The following RBPJ variants were observed in gnomAD, a reference collection of about 807,000 sequenced individuals.
The protein encoded by RBPJ is recombining binding protein suppressor of hairless.
In RBPJ, 9 loss-of-function variants were observed where a neutral mutation model predicts 67.8. The observed-to-expected ratio is 0.13, with a 90% confidence interval of 0.08 to 0.23. The LOEUF is 0.23. Ranked by LOEUF, RBPJ falls within the 10% of genes least tolerant of loss-of-function variation. The pLI, the probability that RBPJ is intolerant of heterozygous loss-of-function variation, is 1.00. For missense variants in RBPJ, 305 were observed against 595.6 expected (o/e 0.51, Z 5.08); for synonymous variants, 198 against 203.3 (o/e 0.97, Z 0.22).
chr4:26,379,779 T>TG (rs1730129658), intron 1 of RBPJ, among the ~76,000 whole-genome samples: 1 of 152,218 alleles, frequency 6.6e-6, no homozygotes, highest in Non-Finnish European at 1.5e-5. Context: ...CTTGCTTTAT[T>TG]GCCCAAGGCT....
intron 1 of RBPJ, among the ~76,000 whole-genome samples, chr4:26,239,615 C>A (rs575769725): frequency 6.6e-6 from 1 of 152,072 alleles, no homozygotes; most frequent in Admixed American, 6.6e-5. Flanking sequence ...AACCAAGGAT[C>A]CCAGGATACA....
At chr4:26,358,495 C>A (rs955631294) in intron 1 of RBPJ, among the ~76,000 whole-genome samples, 2 of 151,672 alleles carry the variant, frequency 1.3e-5, no homozygotes, top group African/African-American at 4.9e-5. Flanking sequence ...TCCACTCAGT[C>A]CAGGTGCAGT....
At chr4:26,210,727 C>CCTTCTTTCTTTACTTCTTTT (rs55806116) in intron 1 of RBPJ, among the ~76,000 whole-genome samples, 1 of 61,776 alleles carries the variant, frequency 1.6e-5, no homozygotes, top group Non-Finnish European at 3.3e-5. Flanking sequence ...TTCTTTCTTT[C>CCTTCTTTCTTTACTTCTTTT]CTTCTTTACT....
At chr4:26,123,438 A>G in the RBPJ span, among the ~76,000 whole-genome samples, 1 of 152,240 alleles carries the variant, frequency 6.6e-6, no homozygotes, top group Non-Finnish European at 1.5e-5. Context: ...GGCCTAGGAC[A>G]TTACCATCTA....
chr4:26,178,482 C>T (rs1223800480), intron 1 of RBPJ, among the ~76,000 whole-genome samples: 1 of 151,806 alleles, frequency 6.6e-6, no homozygotes, highest in Non-Finnish European at 1.5e-5. Flanking sequence ...ATGGTGCACG[C>T]CTGTGGTCCC....
chr4:26,244,125 T>C (rs1719742110), intron 1 of RBPJ, among the ~76,000 whole-genome samples: 1 of 144,454 alleles, frequency 6.9e-6, no homozygotes, highest in South Asian at 2.1e-4. Flanking sequence ...AAAGAAACTT[T>C]AAAATGTATA....
intron 1 of RBPJ, among the ~76,000 whole-genome samples, chr4:26,170,665 A>G (rs1221879548): frequency 6.6e-6 from 1 of 152,222 alleles, no homozygotes; most frequent in African/African-American, 2.4e-5. Flanking sequence ...TGATTCAACC[A>G]ATCAGTAATT....
At chr4:26,174,613 G>T (rs1716730334) in intron 1 of RBPJ, among the ~76,000 whole-genome samples, 1 of 152,138 alleles carries the variant, frequency 6.6e-6, no homozygotes, top group Non-Finnish European at 1.5e-5. Context: ...GAGGCTACAG[G>T]CACAAACCAC....
chr4:26,399,474 C>T (rs947247199), intron 2 of RBPJ, among the ~76,000 whole-genome samples: 2 of 151,748 alleles, frequency 1.3e-5, no homozygotes, highest in African/African-American at 4.8e-5. Flanking sequence ...CTTATCTTAC[C>T]ATTCATGGAT....
intron 1 of RBPJ, among the ~76,000 whole-genome samples, chr4:26,204,832 C>A (rs889453162): frequency 6.6e-6 from 1 of 152,212 alleles, no homozygotes; most frequent in Non-Finnish European, 1.5e-5. Context: ...TAAAGGTTAA[C>A]AGTAGCCTTG....
intron 1 of RBPJ, among the ~76,000 whole-genome samples, chr4:26,192,251 C>A (rs1249428774): frequency 6.6e-6 from 1 of 152,186 alleles, no homozygotes; most frequent in Non-Finnish European, 1.5e-5. Flanking sequence ...AAGTGACCTG[C>A]CCGCCTCGAC....
chr4:26,206,373 A>G (rs758428885), intron 1 of RBPJ, among the ~76,000 whole-genome samples: 1 of 152,114 alleles, frequency 6.6e-6, no homozygotes, highest in South Asian at 2.1e-4. Flanking sequence ...TTCTTCCTCC[A>G]TAGATCCAGA....
At chr4:26,129,305 CTAAGAG>C in the RBPJ span, among the ~76,000 whole-genome samples, 20 of 152,168 alleles carry the variant, frequency 1.3e-4, no homozygotes, top group Non-Finnish European at 2.6e-4. Context: ...TCAAAGGAGC[CTAAGAG>C]TATCTGTATC....
At chr4:26,157,094 C>CAAAAAAAAAA in the RBPJ span, among the ~76,000 whole-genome samples, 4 of 27,502 alleles carry the variant, frequency 1.5e-4, no homozygotes, top group Non-Finnish European at 2.6e-4. Context: ...AACAAACAAA[C>CAAAAAAAAAA]AAACAAAAAC....
the RBPJ span, among the ~76,000 whole-genome samples, chr4:26,148,037 G>A: frequency 6.6e-6 from 1 of 152,172 alleles, no homozygotes; most frequent in Admixed American, 6.5e-5. Context: ...CCACTCAGAT[G>A]ATTCTAGTGT....
the RBPJ span, among the ~76,000 whole-genome samples, chr4:26,131,028 G>A: frequency 1.5e-4 from 23 of 152,214 alleles, no homozygotes; most frequent in African/African-American, 5.3e-4. Context: ...CATGTACCAC[G>A]TGAGGATTGA....
intron 1 of RBPJ, among the ~76,000 whole-genome samples, chr4:26,174,016 G>C (rs1716706929): frequency 6.6e-6 from 1 of 152,238 alleles, no homozygotes; most frequent in Non-Finnish European, 1.5e-5. Context: ...AAAGCTGGTA[G>C]CTGCAAGCAA....
chr4:26,362,482 A>G, intron 1 of RBPJ: 1 of 1,492,398 alleles, frequency 6.7e-7, no homozygotes, highest in Non-Finnish European at 8.9e-7. Flanking sequence ...AAATGGAAGC[A>G]TTATAGTTCT....
chr4:26,400,098 A>G (rs954579083), intron 2 of RBPJ, among the ~76,000 whole-genome samples: 8 of 152,234 alleles, frequency 5.3e-5, no homozygotes, highest in Non-Finnish European at 1.2e-4. Flanking sequence ...CAGTAATTCT[A>G]CGGTCAAGGA....
Sources: allele counts gnomAD v4.1 joint callset (sites outside exome capture counted in the v4.1 genomes callset), GRCh38; gene constraint gnomAD v4.1.1; transcripts MANE v1.5; gene names NCBI Gene and HGNC (gene_info 2026-07-23, HGNC 2026-07-21).